DPRX: variants seen among roughly 807,000 people sequenced by gnomAD.
DPRX encodes the protein divergent paired-related homeobox.
A neutral mutation model predicts 8.4 loss-of-function variants in DPRX; 11 were observed. The observed-to-expected ratio is 1.31, with a 90% CI of 0.82 to 2.17. DPRX has a LOEUF of 2.17. Among genes scored for constraint, DPRX ranks in the 30% most tolerant of loss-of-function variants. The pLI, the probability that DPRX is intolerant of heterozygous loss-of-function variation, is 0.00. For missense variants in DPRX, 211 were observed against 236.7 expected (o/e 0.89, Z 0.71); for synonymous variants, 72 against 87.0 (o/e 0.83, Z 0.96).
chr19:53,629,472 G>A (rs1463140914), upstream of DPRX, among the ~76,000 whole-genome samples: 1 of 150,522 alleles, frequency 6.6e-6, no homozygotes, highest in East Asian at 2.0e-4. Flanking sequence ...GGTCTCCTGG[G>A]CTCAAGCGAT....
chr19:53,617,983 C>CA, the DPRX span, among the ~76,000 whole-genome samples: 1 of 151,728 alleles, frequency 6.6e-6, no homozygotes, highest in Non-Finnish European at 1.5e-5. Context: ...ACTAAAAATA[C>CA]AAAAATTAGC....
chr19:53,616,879 C>T, the DPRX span: 3 of 1,565,302 alleles, frequency 1.9e-6, no homozygotes, highest in Non-Finnish European at 2.6e-6. Flanking sequence ...GCCCTGGCTG[C>T]ACATGCCGTT....
chr19:53,619,818 G>A, the DPRX span, among the ~76,000 whole-genome samples: 2 of 144,506 alleles, frequency 1.4e-5, no homozygotes, highest in African/African-American at 5.1e-5. Context: ...TCATGCCACT[G>A]CACTCCAGCC....
chr19:53,605,084 C>A, the DPRX span, among the ~76,000 whole-genome samples: 1 of 152,006 alleles, frequency 6.6e-6, no homozygotes, highest in African/African-American at 2.4e-5. Flanking sequence ...GAGGCCGAGG[C>A]AGGCGGACTG....
the DPRX span, among the ~76,000 whole-genome samples, chr19:53,607,714 C>T: frequency 6.4e-5 from 9 of 140,762 alleles, no homozygotes; most frequent in African/African-American, 2.4e-4. Context: ...ACCAAATTGG[C>T]CGGGTGTGGT....
At chr19:53,609,965 A>G in the DPRX span, among the ~76,000 whole-genome samples, 31 of 151,884 alleles carry the variant, frequency 2.0e-4, no homozygotes, top group East Asian at 4.8e-3. Flanking sequence ...AGCCTGGGCA[A>G]CAGAGCAAGA....
At chr19:53,627,546 C>T (rs1395612214), upstream of DPRX, among the ~76,000 whole-genome samples, 3 of 150,164 alleles carry the variant, frequency 2.0e-5, no homozygotes, top group African/African-American at 7.3e-5. Context: ...AAGCAATTCT[C>T]CTGCCTCAGC....
At chr19:53,616,649 G>A in the DPRX span, among the ~76,000 whole-genome samples, 1 of 152,142 alleles carries the variant, frequency 6.6e-6, no homozygotes, top group Non-Finnish European at 1.5e-5. Context: ...GGCTACTTGG[G>A]AAACTGAGGC....
At chr19:53,603,806 C>T in the DPRX span, among the ~76,000 whole-genome samples, 2 of 148,660 alleles carry the variant, frequency 1.3e-5, no homozygotes, top group Non-Finnish European at 3.0e-5. Flanking sequence ...TGCAGTGGCA[C>T]AATCTCAGCT....
chr19:53,619,774 G>C, the DPRX span, among the ~76,000 whole-genome samples: 1 of 148,646 alleles, frequency 6.7e-6, no homozygotes. Context: ...AGAATTGCTT[G>C]AACCTGGGAG....
chr19:53,632,057 G>C (rs750779942), exon 1 of DPRX: 2 of 1,613,294 alleles, frequency 1.2e-6, no homozygotes, highest in East Asian at 4.5e-5. Context: ...TTTGATCTTT[G>C]CTAGTTCTTA....
chr19:53,603,903 G>A, the DPRX span, among the ~76,000 whole-genome samples: 163 of 151,634 alleles, frequency 1.1e-3, 1 homozygote, highest in African/African-American at 3.5e-3. Flanking sequence ...CCACCACCAC[G>A]CCCAGCTAAT....
the DPRX span, among the ~76,000 whole-genome samples, chr19:53,601,691 A>G: frequency 6.6e-6 from 1 of 152,050 alleles, no homozygotes; most frequent in Admixed American, 6.6e-5. Flanking sequence ...CATGTTGGTC[A>G]GGCTGGTCCC....
rs778553055 is a variant in DPRX, at chr19:53,636,617, G to A, written c.205G>A (p.Ala69Thr). The change falls in exon 3 of 3, where the codon GCA becomes ACA. Residue 69 changes from alanine (A) to threonine (T), a missense_variant. Ala to Thr is a moderately conservative substitution (Grantham distance 58). Coordinates refer to ENST00000376650, the Ensembl canonical transcript of DPRX. ...TCAGGTCTGGTTCAAGAATCACAGA[G>A]CAAAACTCAAGAAAGCGAAATGCAA... is the stretch of plus-strand genomic sequence containing the variant. 12 of 1,612,200 alleles carry A rather than the reference G, an allele frequency of 7.4e-6. No individual in the cohort carries two copies. The Admixed American group carries it at 2.0e-4, about 27-fold the overall frequency.
intron 1 of DPRX, among the ~76,000 whole-genome samples, chr19:53,633,301 G>T (rs1236502479): frequency 6.6e-6 from 1 of 152,066 alleles, no homozygotes; most frequent in Non-Finnish European, 1.5e-5. Context: ...AAAGTAAAAG[G>T]TGACATCCGT....
chr19:53,628,891 A>G (rs2091080758), upstream of DPRX, among the ~76,000 whole-genome samples: 1 of 151,650 alleles, frequency 6.6e-6, no homozygotes, highest in African/African-American at 2.4e-5. Context: ...CCTGGCCCCA[A>G]AACACTTTCC....
chr19:53,604,689 A>C, the DPRX span, among the ~76,000 whole-genome samples: 1 of 152,036 alleles, frequency 6.6e-6, no homozygotes, highest in Non-Finnish European at 1.5e-5. Context: ...CTAAAAATAC[A>C]AAAATTAGCT....
chr19:53,608,436 G>A, the DPRX span: 1 of 152,564 alleles, frequency 6.6e-6, no homozygotes, highest in East Asian at 1.9e-4. Context: ...CGAGCTCCCA[G>A]AGCCAGCAGT....
At chr19:53,605,716 G>C in the DPRX span, among the ~76,000 whole-genome samples, 2 of 151,802 alleles carry the variant, frequency 1.3e-5, no homozygotes, top group Non-Finnish European at 2.9e-5. Context: ...CCAGGCTGGC[G>C]TGCAGTGGTG....
Sources: gnomAD v4.1 joint callset for allele counts (sites outside exome capture counted in the v4.1 genomes callset) on GRCh38, gnomAD v4.1.1 for gene constraint, MANE v1.5 for transcripts, NCBI Gene and HGNC (gene_info 2026-07-23, HGNC 2026-07-21) for gene names.